RCOR1: variants seen among roughly 807,000 people sequenced by gnomAD.
The protein encoded by RCOR1 is REST corepressor 1.
A neutral mutation model predicts 64.0 loss-of-function variants in RCOR1; 12 were observed. That is an observed-to-expected ratio of 0.19 (90% CI 0.12 to 0.30). RCOR1 has a LOEUF of 0.30. RCOR1 is among the 10% of genes least tolerant of loss of function. The pLI, the probability that RCOR1 is intolerant of heterozygous loss-of-function variation, is 1.00. For missense variants in RCOR1, 502 were observed against 621.2 expected (o/e 0.81, Z 2.04); for synonymous variants, 279 against 227.2 (o/e 1.23, Z -2.05).
chr14:102,643,968 C>T (rs762856450), intron 2 of RCOR1, among the ~76,000 whole-genome samples: 2 of 152,184 alleles, frequency 1.3e-5, no homozygotes, highest in African/African-American at 2.4e-5. Context: ...ACAACTGTTG[C>T]TGTTACTATT....
intron 2 of RCOR1, among the ~76,000 whole-genome samples, chr14:102,678,956 C>A (rs1028161634): frequency 4.6e-5 from 7 of 152,124 alleles, no homozygotes; most frequent in Non-Finnish European, 8.8e-5. Flanking sequence ...AATCTTTTGG[C>A]CATTTTAAAA....
intron 6 of RCOR1, chr14:102,710,637 G>T: frequency 7.2e-6 from 2 of 276,948 alleles, no homozygotes; most frequent in Non-Finnish European, 1.3e-5. Flanking sequence ...TTTTCATTTT[G>T]ATATTTTCAG....
intron 2 of RCOR1, among the ~76,000 whole-genome samples, chr14:102,676,444 G>C (rs1895157974): frequency 8.7e-6 from 1 of 114,786 alleles, no homozygotes; most frequent in African/African-American, 3.8e-5. Context: ...CCTCCCGGAC[G>C]GGGCGGCCGG....
chr14:102,726,870 G>A lies in RCOR1; in HGVS notation c.*364G>A, dbSNP rs186278757. ...AGCAGGCAGTCTCCTTGGAAGGCCCGACTCTGTTCCTGCATGGCCTGCAGT... is the reference window on the plus strand; with the variant it reads ...AGCAGGCAGTCTCCTTGGAAGGCCCAACTCTGTTCCTGCATGGCCTGCAGT... On this transcript the variant is annotated 3_prime_UTR_variant, in exon 12 of 12. Coordinates refer to ENST00000262241, the MANE Select transcript of RCOR1 (RefSeq NM_015156.4). The A allele has an allele frequency of 3.3e-4, 86 of 262,734 alleles. No homozygotes were observed. Among genetic ancestry groups the A allele is most frequent in the African/African-American group, 1.5e-3 (67 of 44,384 alleles). 16.3% of individuals were successfully genotyped at this position (262,734 alleles called of 1,614,324 possible).
chr14:102,610,282 AT>A (rs1439197406), intron 2 of RCOR1, among the ~76,000 whole-genome samples: 6 of 152,132 alleles, frequency 3.9e-5, no homozygotes, highest in African/African-American at 1.2e-4. Flanking sequence ...TTTAGTTTAG[AT>A]TTTCCTTGTA....
intron 2 of RCOR1, among the ~76,000 whole-genome samples, chr14:102,644,886 C>T (rs1269051929): frequency 6.6e-6 from 1 of 152,186 alleles, no homozygotes; most frequent in Non-Finnish European, 1.5e-5. Flanking sequence ...CTGGTTTCTG[C>T]TGAGAATTTT....
At chr14:102,637,894 T>G (rs1288289381) in intron 2 of RCOR1, among the ~76,000 whole-genome samples, 3 of 152,226 alleles carry the variant, frequency 2.0e-5, no homozygotes, top group Non-Finnish European at 4.4e-5. Flanking sequence ...AGTTTCGTTG[T>G]GTCTTACAGT....
At chr14:102,674,131 A>G (rs548280412) in intron 2 of RCOR1, among the ~76,000 whole-genome samples, 3 of 152,214 alleles carry the variant, frequency 2.0e-5, no homozygotes, top group Non-Finnish European at 4.4e-5. Flanking sequence ...GTGCAGGCCT[A>G]TAAGAAGGAG....
At chr14:102,675,514 A>G (rs571192615) in intron 2 of RCOR1, among the ~76,000 whole-genome samples, 4 of 152,368 alleles carry the variant, frequency 2.6e-5, no homozygotes, top group East Asian at 1.9e-4. Flanking sequence ...CTGCGATGCT[A>G]TGACAGTCCA....
intron 2 of RCOR1, among the ~76,000 whole-genome samples, chr14:102,668,543 T>G (rs1413986992): frequency 6.6e-6 from 1 of 152,222 alleles, no homozygotes; most frequent in Admixed American, 6.5e-5. Context: ...CTACCTCGGC[T>G]ATCTGCTGAA....
chr14:102,604,068 G>A (rs746782335), intron 2 of RCOR1, among the ~76,000 whole-genome samples: 5 of 152,086 alleles, frequency 3.3e-5, no homozygotes, highest in Non-Finnish European at 5.9e-5. Flanking sequence ...ATTGGTCTTG[G>A]TGTATACCCC....
At chr14:102,640,255 C>A (rs1022062598) in intron 2 of RCOR1, among the ~76,000 whole-genome samples, 1 of 152,122 alleles carries the variant, frequency 6.6e-6, no homozygotes, top group Non-Finnish European at 1.5e-5. Flanking sequence ...TGCTGGGAGC[C>A]GCTGTGCCCA....
Position 102,728,059 on chromosome 14 carries a change from A to G in RCOR1, c.*1553A>G, listed in dbSNP as rs530728147. 14 of 152,556 alleles carry G rather than the reference A, an allele frequency of 9.2e-5. No individual in the cohort carries two copies. The highest frequency in any genetic ancestry group is 3.4e-4 in the African/African-American group (14 of 41,422). The allele number at this position is 152,556 out of a possible 1,614,324, so 9.5% of individuals were successfully genotyped here. On this transcript the variant is annotated 3_prime_UTR_variant, in exon 12 of 12. Transcript: ENST00000262241. ...TTAAAATATGCAATTAAAGTTTGATATGTTTTGTCTCCCAAGCACCTTGTT... is the reference window on the plus strand; with the variant it reads ...TTAAAATATGCAATTAAAGTTTGATGTGTTTTGTCTCCCAAGCACCTTGTT...
At chr14:102,694,731 C>T (rs1895609947) in intron 3 of RCOR1, among the ~76,000 whole-genome samples, 1 of 152,154 alleles carries the variant, frequency 6.6e-6, no homozygotes, top group African/African-American at 2.4e-5. Flanking sequence ...TGTCTGTACC[C>T]ACCAGGTGGC....
chr14:102,662,440 G>T (rs7144340), intron 2 of RCOR1: 180,206 of 550,622 alleles, frequency 0.33, 31,915 homozygotes, highest in African/African-American at 0.54. Flanking sequence ...TGTTGTCCTC[G>T]CTCTTCTTCA....
intron 2 of RCOR1, among the ~76,000 whole-genome samples, chr14:102,678,450 C>T (rs1895236915): frequency 6.6e-6 from 1 of 152,126 alleles, no homozygotes; most frequent in South Asian, 2.1e-4. Context: ...CAGGCACACA[C>T]CACCACACCT....
chr14:102,663,206 C>T (rs76292373), intron 2 of RCOR1, among the ~76,000 whole-genome samples: 35 of 152,300 alleles, frequency 2.3e-4, no homozygotes, highest in African/African-American at 8.4e-4. Context: ...TCCTCCTTGC[C>T]GTCCGCCATG....
intron 3 of RCOR1, among the ~76,000 whole-genome samples, chr14:102,688,585 A>G (rs1895468699): frequency 2.0e-5 from 3 of 152,198 alleles, no homozygotes; most frequent in South Asian, 4.1e-4. Context: ...AAAAGGCGGC[A>G]TGATGGAAAT....
At chr14:102,619,185 A>T (rs1041106416) in intron 2 of RCOR1, among the ~76,000 whole-genome samples, 13 of 151,186 alleles carry the variant, frequency 8.6e-5, no homozygotes, top group African/African-American at 3.2e-4. Context: ...GCAATGATGC[A>T]ATCTTGGTTC....
Sources: allele counts gnomAD v4.1 joint callset (sites outside exome capture counted in the v4.1 genomes callset), GRCh38; gene constraint gnomAD v4.1.1; transcripts MANE v1.5; gene names NCBI Gene and HGNC (gene_info 2026-07-23, HGNC 2026-07-21).